The following STPG2 variants were observed in gnomAD, a reference collection of about 807,000 sequenced individuals.
The protein encoded by STPG2 is sperm-tail PG-rich repeat-containing protein 2.
A neutral mutation model predicts 54.2 loss-of-function variants in STPG2; 56 were observed. The observed-to-expected ratio is 1.03, with a 90% CI of 0.83 to 1.29. The LOEUF (loss-of-function observed/expected upper bound fraction) is 1.29. STPG2 is among the 50% of genes most tolerant of loss of function. The pLI, the probability that STPG2 is intolerant of heterozygous loss-of-function variation, is 0.00. For missense variants in STPG2, 596 were observed against 544.9 expected (o/e 1.09, Z -0.93); for synonymous variants, 200 against 181.8 (o/e 1.10, Z -0.81).
intron 4 of STPG2, among the ~76,000 whole-genome samples, chr4:97,542,674 T>C (rs1731742015): frequency 6.6e-6 from 1 of 152,146 alleles, no homozygotes; most frequent in Non-Finnish European, 1.5e-5. Flanking sequence ...TGCACACGTA[T>C]GTTTATTGTG....
intron 4 of STPG2, among the ~76,000 whole-genome samples, chr4:97,480,354 A>C (rs1730188270): frequency 6.6e-6 from 1 of 151,630 alleles, no homozygotes; most frequent in Admixed American, 6.6e-5. Flanking sequence ...TGGGAGGCAC[A>C]GATTGCTTCA....
At chr4:98,095,294 C>T (rs887042466) in intron 5 of STPG2, among the ~76,000 whole-genome samples, 4 of 152,176 alleles carry the variant, frequency 2.6e-5, no homozygotes, top group Middle Eastern at 3.4e-3. Context: ...AAACAAATAA[C>T]AAAATGGCAG....
chr4:97,558,020 A>G (rs985391525), downstream of STPG2, among the ~76,000 whole-genome samples: 10 of 152,220 alleles, frequency 6.6e-5, no homozygotes, highest in Non-Finnish European at 1.5e-4. Flanking sequence ...GCATTTTCTT[A>G]ACAAGGAATA....
chr4:97,709,802 T>C (rs1397706324), intron 10 of STPG2, among the ~76,000 whole-genome samples: 6 of 151,896 alleles, frequency 4.0e-5, no homozygotes, highest in Admixed American at 3.9e-4. Context: ...TGTGAATGAA[T>C]CAATAAAATT....
chr4:98,026,581 C>G (rs971800973), intron 5 of STPG2, among the ~76,000 whole-genome samples: 1 of 152,138 alleles, frequency 6.6e-6, no homozygotes, highest in African/African-American at 2.4e-5. Context: ...CATTGAGTTT[C>G]TCAGGAACCC....
At chr4:97,604,325 A>T (rs1733539512) in intron 10 of STPG2, among the ~76,000 whole-genome samples, 1 of 151,758 alleles carries the variant, frequency 6.6e-6, no homozygotes, top group South Asian at 2.1e-4. Flanking sequence ...AATAATTGGC[A>T]TTTAAAAAAG....
At chr4:98,103,499 G>C (rs1298652594) in intron 5 of STPG2, among the ~76,000 whole-genome samples, 2 of 151,806 alleles carry the variant, frequency 1.3e-5, no homozygotes, top group Non-Finnish European at 2.9e-5. Flanking sequence ...AAATTAGCCA[G>C]GCATGGTGGT....
intron 4 of STPG2, among the ~76,000 whole-genome samples, chr4:97,524,898 T>C (rs1165243252): frequency 6.6e-6 from 1 of 151,978 alleles, no homozygotes; most frequent in Non-Finnish European, 1.5e-5. Flanking sequence ...CTTCAGTGCC[T>C]CAAACTGATT....
At chr4:98,084,353 C>T (rs1738443707) in intron 5 of STPG2, among the ~76,000 whole-genome samples, 3 of 152,148 alleles carry the variant, frequency 2.0e-5, no homozygotes, top group Non-Finnish European at 4.4e-5. Context: ...ATCCATTCCC[C>T]TACTGATTAA....
chr4:97,854,322 A>G (rs1729260558), intron 8 of STPG2, among the ~76,000 whole-genome samples: 1 of 151,972 alleles, frequency 6.6e-6, no homozygotes, highest in African/African-American at 2.4e-5. Flanking sequence ...CAATTTTCTC[A>G]TCTGTAAAAT....
intron 9 of STPG2, among the ~76,000 whole-genome samples, chr4:97,804,905 A>G (rs1396912845): frequency 6.6e-6 from 1 of 152,166 alleles, no homozygotes; most frequent in Non-Finnish European, 1.5e-5. Context: ...GCAGGTTTGT[A>G]ATGTAGGAGC....
At chr4:97,665,371 G>A (rs1722492927) in intron 10 of STPG2, among the ~76,000 whole-genome samples, 1 of 152,166 alleles carries the variant, frequency 6.6e-6, no homozygotes, top group Non-Finnish European at 1.5e-5. Flanking sequence ...CAGCTCAGAG[G>A]AGACCAACAG....
In STPG2 at chr4:98,109,250, C is replaced by G. The variant is rs1306136700; in HGVS notation, c.443G>C (p.Gly148Ala). ...TGACTTTTTAGGTAACTCTTGTCTTCCTGAAGAGTTGCCAAAATGTATACC... is the reference window on the plus strand; with the variant it reads ...TGACTTTTTAGGTAACTCTTGTCTTGCTGAAGAGTTGCCAAAATGTATACC... ...YKGIHFGNSS[G>A]RQELPKKSGP... is the part of the protein sequence containing the mutation. Residue 148 changes from glycine (G) to alanine (A), a missense_variant, in exon 4 of 11, where the codon GGA becomes GCA. Gly to Ala is a moderately conservative substitution (Grantham distance 60). Transcript: ENST00000295268. 1 of 1,611,140 alleles carries G rather than the reference C, an allele frequency of 6.2e-7. No homozygotes were observed. Among genetic ancestry groups the G allele is most frequent in the South Asian group, 1.1e-5 (1 of 90,796 alleles).
At chr4:97,501,944 T>C (rs982833320) in intron 4 of STPG2, among the ~76,000 whole-genome samples, 2 of 151,750 alleles carry the variant, frequency 1.3e-5, no homozygotes, top group Non-Finnish European at 2.9e-5. Context: ...ATAGTCAAAT[T>C]GATTGGATAG....
chr4:98,089,447 G>A (rs1578845021), intron 5 of STPG2, among the ~76,000 whole-genome samples: 3 of 151,744 alleles, frequency 2.0e-5, no homozygotes, highest in South Asian at 2.1e-4. Context: ...TTGTCCTCTC[G>A]TTGGTCGATG....
intron 5 of STPG2, among the ~76,000 whole-genome samples, chr4:98,020,625 T>C (rs1277526423): frequency 6.6e-6 from 1 of 152,206 alleles, no homozygotes; most frequent in Non-Finnish European, 1.5e-5. Flanking sequence ...CTGGTAGAAC[T>C]CGGCTGTGAA....
intron 9 of STPG2, among the ~76,000 whole-genome samples, chr4:97,793,388 CA>C (rs1226744418): frequency 2.0e-5 from 3 of 151,514 alleles, no homozygotes; most frequent in African/African-American, 7.3e-5. Context: ...CACACACACA[CA>C]CACACACACA....
At chr4:97,932,242 G>A (rs1291320887) in intron 8 of STPG2, among the ~76,000 whole-genome samples, 2 of 152,062 alleles carry the variant, frequency 1.3e-5, no homozygotes, top group African/African-American at 4.8e-5. Context: ...ATTTCCTGCA[G>A]TTTAGCTCCG....
intron 10 of STPG2, among the ~76,000 whole-genome samples, chr4:97,698,728 C>T (rs138888392): frequency 1.9e-3 from 296 of 152,222 alleles, no homozygotes; most frequent in African/African-American, 7.0e-3. Context: ...TTCTGGAATA[C>T]TTTGCCAGAG....
Sources: gnomAD v4.1 joint callset for allele counts (sites outside exome capture counted in the v4.1 genomes callset) on GRCh38, gnomAD v4.1.1 for gene constraint, MANE v1.5 for transcripts, NCBI Gene and HGNC (gene_info 2026-07-23, HGNC 2026-07-21) for gene names.